The following HCN3 variants were observed in gnomAD, a reference collection of about 807,000 sequenced individuals.
HCN3 encodes potassium/sodium hyperpolarization-activated cyclic nucleotide-gated channel 3.
HCN3 carries 36 observed loss-of-function variants against 56.8 expected under a neutral mutation model. The ratio of observed to expected loss-of-function variants is 0.63; its 90% CI spans 0.49 to 0.84. HCN3 has a LOEUF of 0.84. Ranked by LOEUF, HCN3 falls within the 40% of genes least tolerant of loss-of-function variation. The probability of loss-of-function intolerance (pLI) is 0.00; values close to 1 mark genes in which losing one functional copy is unlikely to be tolerated. For synonymous variants in HCN3, 425 were observed against 439.7 expected, an observed-to-expected ratio of 0.97 and a Z score of 0.42; for missense variants, 930 against 1,079.3, an observed-to-expected ratio of 0.86 and a Z score of 1.94.
chr1:155,288,407 C>T lies in HCN3; in HGVS notation c.2269C>T (p.Pro757Ser). 2 of 1,612,790 alleles carry T rather than the reference C, an allele frequency of 1.2e-6. No individual in the cohort carries two copies. The highest frequency in any genetic ancestry group is 1.7e-6 in the Non-Finnish European group (2 of 1,179,478). Residue 757 changes from proline (P) to serine (S), a missense_variant, in exon 8 of 8, where the codon CCA becomes TCA. Transcript: ENST00000368358. This position sits in a 1 kb window ranked among gnomAD's most constrained non-coding sequence, Gnocchi z 6.5. ...TCCAAGGACAGCCCAGCCCCCCAGGCCACCAGTGCCTGAGCCAGCCACACC... is the reference window on the plus strand; with the variant it reads ...TCCAAGGACAGCCCAGCCCCCCAGGTCACCAGTGCCTGAGCCAGCCACACC... ...KPPRTAQPPR[P>S]PVPEPATPRG...
intron 1 of HCN3, among the ~76,000 whole-genome samples, chr1:155,280,199 C>T (rs561971026): frequency 1.3e-5 from 2 of 152,100 alleles, no homozygotes; most frequent in African/African-American, 4.8e-5. Context: ...CCCACCTCAG[C>T]CTCCCAAAGT....
intron 2 of HCN3, among the ~76,000 whole-genome samples, chr1:155,283,388 A>G (rs1477819541): frequency 6.6e-6 from 1 of 151,854 alleles, no homozygotes; most frequent in Non-Finnish European, 1.5e-5. Context: ...CAGTGAAGCC[A>G]CTATTATATA....
At chr1:155,283,207 G>T (rs185676889) in intron 2 of HCN3, among the ~76,000 whole-genome samples, 48 of 152,234 alleles carry the variant, frequency 3.2e-4, no homozygotes, top group African/African-American at 1.1e-3. Context: ...GGGCTCTGCA[G>T]TCTCATTGTC....
chr1:155,283,906 G>A, intron 2 of HCN3, 68 bp from the exon 3 acceptor site: 1 of 1,543,422 alleles, frequency 6.5e-7, no homozygotes, highest in Non-Finnish European at 8.9e-7. Context: ...AATTTGCCAG[G>A]CTGGGAATGG....
Position 155,288,748 on chromosome 1 carries a change from A to G in HCN3, c.*285A>G. On this transcript the variant is annotated 3_prime_UTR_variant, in exon 8 of 8. Transcript: ENST00000368358. This position sits in a 1 kb window ranked among gnomAD's most constrained non-coding sequence, Gnocchi z 6.5. ...CTGTATGTCTCCACTGCCAAGTAGA[A>G]GTGACTCAAAACCCTCTGACAAGGA... The G allele has an allele frequency of 2.3e-6, 1 of 439,618 alleles. No homozygotes were observed. The highest frequency in any genetic ancestry group is 4.0e-6 in the Non-Finnish European group (1 of 249,778). 27.2% of individuals were successfully genotyped at this position (439,618 alleles called of 1,614,324 possible).
At chr1:155,286,441 G>A (rs1049129917) in intron 6 of HCN3, among the ~76,000 whole-genome samples, 2 of 152,184 alleles carry the variant, frequency 1.3e-5, no homozygotes, top group South Asian at 2.1e-4. Flanking sequence ...CACCGTGCCA[G>A]GCCTGAGCTC....
chr1:155,288,305 G>A lies in HCN3; in HGVS notation c.2167G>A (p.Ala723Thr). 1.2e-6 allele frequency: 2 copies of A among 1,612,842 alleles called. No individual in the cohort carries two copies. Among genetic ancestry groups the A allele is most frequent in the Non-Finnish European group, 1.7e-6 (2 of 1,179,770 alleles). ...CTCCCAACCCTCTCTGCCTCAGCGG[G>A]CAACAGGCGATGGCTCTCCTGGGCG... ...SASQPSLPQR[A>T]TGDGSPGRKG... is the part of the protein sequence containing the mutation. The change falls in exon 8 of 8, where the codon GCA becomes ACA. Residue 723 changes from alanine (A) to threonine (T), a missense_variant. By Grantham distance (58) the Ala-to-Thr change is moderately conservative. Coordinates refer to ENST00000368358, the MANE Select transcript of HCN3 (RefSeq NM_020897.3). This position sits in a 1 kb window ranked among gnomAD's most constrained non-coding sequence, Gnocchi z 6.5.
At position 155,282,631 on chromosome 1, in the gene HCN3, C is replaced by T. The variant is rs550961408; in HGVS notation, c.499C>T (p.Arg167Cys). 42 of 1,614,250 alleles carry T rather than the reference C, an allele frequency of 2.6e-5. No individual in the cohort carries two copies. Among genetic ancestry groups the T allele is most frequent in the South Asian group, 2.1e-4 (19 of 91,088 alleles). The change falls in exon 2 of 8, where the codon CGC (arginine) becomes TGC (cysteine). Residue 167 changes from arginine (R) to cysteine (C), a missense_variant. Physicochemically the swap from Arg to Cys is radical, Grantham distance 180 (BLOSUM62 -3). Transcript: ENST00000368358. This position sits in a 1 kb window ranked among gnomAD's most constrained non-coding sequence, Gnocchi z 4.7. ...ILLAPRAIRT[R>C]YLRTWFLVDL... ...GCTGGCACCGCGGGCCATCCGCACG[C>T]GCTACCTGCGCACCTGGTTCCTGGT... is the stretch of plus-strand genomic sequence containing the variant.
In HCN3 at chr1:155,287,852, C is replaced by T; in HGVS notation, c.1714C>T (p.Gln572Ter). ...AGGCAGCAGTGGTGGCATCATGGAG[C>T]AGCACTTGGTGCAACATGACAGAGA... The part of the protein sequence containing the change: ...SPGSSGGIME[Q>*]HLVQHDRDMA... Residue 572 changes from glutamine (Q) to a stop codon, truncating the protein, a stop_gained, in exon 8 of 8, where the codon CAG becomes TAG. Transcript: ENST00000368358. LOFTEE classifies it high-confidence loss of function. The T allele has an allele frequency of 1.9e-6, 3 of 1,613,752 alleles. No individual in the cohort carries two copies. The highest frequency in any genetic ancestry group is 2.5e-6 in the Non-Finnish European group (3 of 1,179,812).
At chr1:155,278,010 A>T in intron 1 of HCN3, 142 bp downstream of exon 1, 1 of 1,084,130 alleles carries the variant, frequency 9.2e-7, no homozygotes, top group Non-Finnish European at 1.3e-6. Context: ...AGTCACTTGC[A>T]CCAGTCTAGC....
chr1:155,280,730 G>A (rs183293873), intron 1 of HCN3, among the ~76,000 whole-genome samples: 3,124 of 116,408 alleles, frequency 0.027, 103 homozygotes, highest in African/African-American at 0.095. Context: ...GAGCCACCAC[G>A]CCCAGCTATT....
Position 155,284,307 on chromosome 1 carries a change from G to A in HCN3, c.870+172G>A, listed in dbSNP as rs2148179041. 3 of 862,276 alleles carry A rather than the reference G, an allele frequency of 3.5e-6. No individual in the cohort carries two copies. Among genetic ancestry groups the A allele is most frequent in the South Asian group, 3.6e-5 (2 of 56,338 alleles). 53.4% of individuals were successfully genotyped at this position (862,276 alleles called of 1,614,324 possible). A position where few individuals can be genotyped will look rare whatever the true frequency, so the allele number is the denominator to read the frequency against. Reference sequence around the variant, plus strand: ...AAGGAGACCCAGAAGAAGTGCTCGTGTGTTGGAGGGAGCAGGCAAAGGAAG... The same window carrying A: ...AAGGAGACCCAGAAGAAGTGCTCGTATGTTGGAGGGAGCAGGCAAAGGAAG... On this transcript the variant is annotated intron_variant, in intron 3 of 7. Coordinates refer to ENST00000368358, the MANE Select transcript of HCN3 (RefSeq NM_020897.3). The surrounding 1 kb of genome is among the most constrained non-coding windows in gnomAD (Gnocchi z 4.3).
In HCN3 at chr1:155,284,138, G is replaced by A. The variant is rs917893513; in HGVS notation, c.870+3G>A. The A allele has an allele frequency of 2.5e-6, 4 of 1,613,622 alleles. No homozygotes were observed. The highest frequency in any genetic ancestry group is 2.7e-5 in the African/African-American group (2 of 74,918). On this transcript the variant is annotated splice_donor_region_variant and intron_variant, in intron 3 of 7. Transcript: ENST00000368358. The surrounding 1 kb of genome is among the most constrained non-coding windows in gnomAD (Gnocchi z 4.3). ...GGGTCTCCATCAACCACATGGTGGT[G>A]AGAAGTCCCCACAGCTCTGCCTTTC...
chr1:155,287,634 C>A (rs1674342433), intron 7 of HCN3, 147 bp from the exon 8 acceptor site: 2 of 1,074,034 alleles, frequency 1.9e-6, no homozygotes, highest in Non-Finnish European at 1.3e-6. Context: ...CCCATCTCAA[C>A]CCCCATAGCC....
Position 155,282,605 on chromosome 1 carries a change from T to TGCTG in HCN3, c.476_479dup (p.Pro161GlyfsTer17). 1 of 1,614,248 alleles carries TGCTG rather than the reference T, an allele frequency of 6.2e-7. No homozygotes were observed. Among genetic ancestry groups the TGCTG allele is most frequent in the South Asian group, 1.1e-5 (1 of 91,092 alleles). ...GTGGTGGAGGAGGGTGCTGAGATCCTGCTGGCACCGCGGGCCATCCGCACG... is the reference window on the plus strand; with the variant it reads ...GTGGTGGAGGAGGGTGCTGAGATCCTGCTGGCTGGCACCGCGGGCCATCCGCACG... On this transcript the variant is annotated frameshift_variant, in exon 2 of 8. Coordinates refer to ENST00000368358, the MANE Select transcript of HCN3 (RefSeq NM_020897.3). LOFTEE classifies it high-confidence loss of function. This position sits in a 1 kb window ranked among gnomAD's most constrained non-coding sequence, Gnocchi z 4.7.
At chr1:155,287,420 C>A in intron 7 of HCN3, 83 bp downstream of exon 7, 1 of 1,512,912 alleles carries the variant, frequency 6.6e-7, no homozygotes. Context: ...GGCTTTAGGG[C>A]TCCAGGGTCA....
At chr1:155,279,858 A>G (rs574263017) in intron 1 of HCN3, among the ~76,000 whole-genome samples, 1 of 152,296 alleles carries the variant, frequency 6.6e-6, no homozygotes, top group East Asian at 1.9e-4. Context: ...AACCTTAAAA[A>G]TATTTAGCAA....
intron 1 of HCN3, among the ~76,000 whole-genome samples, chr1:155,280,582 G>T (rs982020371): frequency 3.5e-5 from 5 of 144,010 alleles, no homozygotes; most frequent in African/African-American, 1.3e-4. Context: ...GACTACGGGC[G>T]CCCGCCACCA....
intron 1 of HCN3, among the ~76,000 whole-genome samples, chr1:155,281,778 GC>G (rs1674062063): frequency 6.6e-6 from 1 of 151,964 alleles, no homozygotes. Context: ...GGGATTACAG[GC>G]GTGAGCCATA....
Sources: allele counts gnomAD v4.1 joint callset (sites outside exome capture counted in the v4.1 genomes callset), GRCh38; gene constraint gnomAD v4.1.1; non-coding constraint Gnocchi (gnomAD v3.1); transcripts MANE v1.5; gene names NCBI Gene and HGNC (gene_info 2026-07-23, HGNC 2026-07-21).